Variants in TICAM1 observed in about 807,000 individuals in gnomAD.
TICAM1 encodes the protein TIR domain containing adaptor molecule 1.
For synonymous variants in TICAM1, 439 were observed against 415.4 expected (o/e 1.06, Z -0.69); for missense variants, 895 against 938.2 (o/e 0.95, Z 0.60).
At chr19:4,830,455 G>C (rs1404249460) in intron 1 of TICAM1, among the ~76,000 whole-genome samples, 1 of 152,134 alleles carries the variant, frequency 6.6e-6, no homozygotes, top group East Asian at 1.9e-4. Flanking sequence ...CTGGGCTCAA[G>C]TGATCCTCCC....
At chr19:4,829,077 C>T (rs4807652) in intron 1 of TICAM1, among the ~76,000 whole-genome samples, 20,836 of 152,148 alleles carry the variant, frequency 0.14, 1,583 homozygotes, top group East Asian at 0.29. Flanking sequence ...TCAATCGATC[C>T]GCCTGCCTTG....
Position 4,817,302 on chromosome 19 carries a change from G to A in TICAM1, c.1076C>T (p.Ser359Phe). 1.2e-6 allele frequency: 2 copies of A among 1,613,348 alleles called. No homozygotes were observed. The highest frequency in any genetic ancestry group is 2.2e-5 in the South Asian group (2 of 91,064). ...AGGAGGAGGAGGAGGAGGAGGAGGG[G>A]ATGTTTCTGGGGTGGTGGGAGTAGG... ...CPPTPTTPET[S>F]PPPPPPPPSS... is the part of the protein sequence containing the mutation. Residue 359 changes from serine (S) to phenylalanine (F), a missense_variant, in exon 2 of 2, where the codon TCC (serine) becomes TTC (phenylalanine). Transcript: ENST00000248244. The surrounding 1 kb of genome is among the most constrained non-coding windows in gnomAD (Gnocchi z 4.7).
intron 1 of TICAM1, among the ~76,000 whole-genome samples, chr19:4,823,414 A>C (rs1296661070): frequency 6.6e-6 from 1 of 150,864 alleles, no homozygotes; most frequent in Admixed American, 6.7e-5. Flanking sequence ...ACATTGAGCC[A>C]AGATAGCGCC....
Position 4,816,393 on chromosome 19 carries a change from G to T in TICAM1, c.1985C>A (p.Ala662Asp). The change falls in exon 2 of 2, where the codon GCC becomes GAC. Residue 662 changes from alanine (A) to aspartate (D), a missense_variant. Physicochemically the swap from Ala to Asp is moderately radical, Grantham distance 126. Coordinates refer to ENST00000248244, the MANE Select transcript of TICAM1 (RefSeq NM_182919.4). The surrounding 1 kb of genome is among the most constrained non-coding windows in gnomAD (Gnocchi z 4.3). Reference protein sequence around the residue: ...PQSLPFPQSPAFPTASPAPPQ... With the variant: ...PQSLPFPQSPDFPTASPAPPQ... ...GGGTGCGGGTGAGGCCGTAGGGAAG[G>T]CTGGGGACTGCGGGAAGGGCAGTGA... 1 of 1,578,054 alleles carries T rather than the reference G, an allele frequency of 6.3e-7. No individual in the cohort carries two copies. Among genetic ancestry groups the T allele is most frequent in the Non-Finnish European group, 8.6e-7 (1 of 1,164,420 alleles).
chr19:4,823,794 C>T (rs570879251), intron 1 of TICAM1, among the ~76,000 whole-genome samples: 3 of 152,258 alleles, frequency 2.0e-5, no homozygotes, highest in Admixed American at 2.0e-4. Context: ...GGACTTCCAG[C>T]CTCCATAACT....
intron 1 of TICAM1, among the ~76,000 whole-genome samples, chr19:4,822,215 G>A (rs537893517): frequency 7.9e-5 from 12 of 151,816 alleles, no homozygotes; most frequent in South Asian, 2.1e-4. Context: ...GATTACAAGC[G>A]TGAGCCACTG....
In TICAM1 at chr19:4,817,795, G is replaced by T; in HGVS notation, c.583C>A (p.Arg195=). The T allele has an allele frequency of 6.3e-7, 1 of 1,591,548 alleles. No individual in the cohort carries two copies. The stretch of plus-strand genomic sequence containing the variant: ...AGGGAGGCAGGGCTGCCAGTGGATC[G>T]CAGGGAGCACCCTTGGCTCCAGTCC... ...VSDWSQGCSL[R]STGSPASLAS... is the part of the protein sequence containing the mutation. The change falls in exon 2 of 2, where the codon CGA becomes AGA. Residue 195 remains arginine, a synonymous_variant. Transcript: ENST00000248244. This position sits in a 1 kb window ranked among gnomAD's most constrained non-coding sequence, Gnocchi z 4.7.
intron 1 of TICAM1, among the ~76,000 whole-genome samples, chr19:4,825,463 C>T (rs1293678954): frequency 6.6e-6 from 1 of 152,002 alleles, no homozygotes; most frequent in African/African-American, 2.4e-5. Context: ...TCAAGTGATC[C>T]TCCCACCTTG....
At chr19:4,823,465 A>T (rs979753558) in intron 1 of TICAM1, among the ~76,000 whole-genome samples, 1 of 86,006 alleles carries the variant, frequency 1.2e-5, no homozygotes, top group African/African-American at 5.9e-5. Flanking sequence ...ACTCTGTCTT[A>T]AAAAAAAAAA....
intron 1 of TICAM1, among the ~76,000 whole-genome samples, chr19:4,826,305 AT>A (rs2093605282): frequency 1.8e-5 from 1 of 56,628 alleles, no homozygotes; most frequent in East Asian, 6.4e-4. Flanking sequence ...TTATTAGGAG[AT>A]ATATATATAT....
In TICAM1 at chr19:4,817,410, T is replaced by C; in HGVS notation, c.968A>G (p.Lys323Arg). 1 of 1,614,034 alleles carries C rather than the reference T, an allele frequency of 6.2e-7. No homozygotes were observed. Among genetic ancestry groups the C allele is most frequent in the East Asian group, 2.2e-5 (1 of 44,880 alleles). ...SLPLPILEPV[K>R]NPCSVKDQTP... Reference sequence around the variant, plus strand: ...CTGGTCTTTGACAGAGCAGGGGTTTTTGACCGGCTCCAGAATAGGCAAGGG... The same window carrying C: ...CTGGTCTTTGACAGAGCAGGGGTTTCTGACCGGCTCCAGAATAGGCAAGGG... Residue 323 changes from lysine (K) to arginine (R), a missense_variant, in exon 2 of 2, where the codon AAA becomes AGA. Lys to Arg is a conservative substitution (Grantham distance 26). Coordinates refer to ENST00000248244, the MANE Select transcript of TICAM1 (RefSeq NM_182919.4). The surrounding 1 kb of genome is among the most constrained non-coding windows in gnomAD (Gnocchi z 4.7).
In TICAM1 at chr19:4,816,699, C is replaced by T. The variant is rs1400135507; in HGVS notation, c.1679G>A (p.Arg560Gln). The T allele has an allele frequency of 5.6e-6, 9 of 1,614,094 alleles. No homozygotes were observed. Among genetic ancestry groups the T allele is most frequent in the Non-Finnish European group, 6.8e-6 (8 of 1,180,034 alleles). The change falls in exon 2 of 2, where the codon CGG (arginine) becomes CAG (glutamine). Residue 560 changes from arginine (R) to glutamine (Q), a missense_variant. By Grantham distance (43) the Arg-to-Gln change is conservative. Transcript: ENST00000248244. The surrounding 1 kb of genome is among the most constrained non-coding windows in gnomAD (Gnocchi z 4.3). ...TGCGTTCAGTGCCGCCGCCTGCATC[C>T]GCTCACCGTCCAGGTGTTGGCTCTG... ...REQSQHLDGE[R>Q]MQAAALNAAY...
At position 4,816,006 on chromosome 19, in the gene TICAM1, TAG is replaced by T. The variant is rs1195586908; in HGVS notation, c.*231_*232del. On this transcript the variant is annotated 3_prime_UTR_variant, in exon 2 of 2. Transcript: ENST00000248244. This position sits in a 1 kb window ranked among gnomAD's most constrained non-coding sequence, Gnocchi z 4.3. ...ACCACCAAGACCCTTCACCCAGAAATAGAGAGATTGGAATTGTAAACACCGTA... is the reference window on the plus strand; with the variant it reads ...ACCACCAAGACCCTTCACCCAGAAATAGAGATTGGAATTGTAAACACCGTA... 1.8e-5 allele frequency: 8 copies of T among 455,892 alleles called. No individual in the cohort carries two copies. Among genetic ancestry groups the T allele is most frequent in the Non-Finnish European group, 2.8e-5 (8 of 282,682 alleles). 28.2% of individuals were successfully genotyped at this position (455,892 alleles called of 1,614,324 possible). A position where few individuals can be genotyped will look rare whatever the true frequency, so the allele number is the denominator to read the frequency against.
intron 1 of TICAM1, among the ~76,000 whole-genome samples, chr19:4,826,637 A>G (rs946112027): frequency 3.3e-5 from 5 of 151,966 alleles, no homozygotes; most frequent in African/African-American, 1.2e-4. Context: ...TTCATGTTAT[A>G]TTTCTGTTGG....
In TICAM1 at chr19:4,816,099, C is replaced by A; in HGVS notation, c.*140G>T. On this transcript the variant is annotated 3_prime_UTR_variant, in exon 2 of 2. Coordinates refer to ENST00000248244, the MANE Select transcript of TICAM1 (RefSeq NM_182919.4). The surrounding 1 kb of genome is among the most constrained non-coding windows in gnomAD (Gnocchi z 4.3). ...CCGTTTTGTCCTAAATGAAGGGCTC[C>A]CGGACAATGTCCTGAAAGTGGCAGA... is the stretch of plus-strand genomic sequence containing the variant. 1 of 1,278,500 alleles carries A rather than the reference C, an allele frequency of 7.8e-7. No homozygotes were observed. The highest frequency in any genetic ancestry group is 9.9e-7 in the Non-Finnish European group (1 of 1,008,098). 79.2% of individuals were successfully genotyped at this position (1,278,500 alleles called of 1,614,324 possible).
Position 4,816,446 on chromosome 19 carries a change from G to A in TICAM1, c.1932C>T (p.Pro644=). 6.4e-7 allele frequency: 1 copy of A among 1,554,430 alleles called. No individual in the cohort carries two copies. Residue 644 remains proline (P), a synonymous_variant, in exon 2 of 2, where the codon CCC becomes CCT. Coordinates refer to ENST00000248244, the MANE Select transcript of TICAM1 (RefSeq NM_182919.4). The surrounding 1 kb of genome is among the most constrained non-coding windows in gnomAD (Gnocchi z 4.3). The part of the protein sequence containing the change: ...HAWQAGTPPP[P]SPQPAAFPQS... ...GTGGAAAGGCTGCTGGCTGTGGGGAGGGCGGTGGGGGGGTGCCAGCCTGCC... is the reference window on the plus strand; with the variant it reads ...GTGGAAAGGCTGCTGGCTGTGGGGAAGGCGGTGGGGGGGTGCCAGCCTGCC...
Position 4,816,095 on chromosome 19 carries a change from G to T in TICAM1, c.*144C>A. ...GCGCCCGTTTTGTCCTAAATGAAGG[G>T]CTCCCGGACAATGTCCTGAAAGTGG... On this transcript the variant is annotated 3_prime_UTR_variant, in exon 2 of 2. Transcript: ENST00000248244. This position sits in a 1 kb window ranked among gnomAD's most constrained non-coding sequence, Gnocchi z 4.3. 8.0e-7 allele frequency: 1 copy of T among 1,250,676 alleles called. No individual in the cohort carries two copies. Among genetic ancestry groups the T allele is most frequent in the Non-Finnish European group, 1.0e-6 (1 of 986,388 alleles). The allele number at this position is 1,250,676 out of a possible 1,614,324, so 77.5% of individuals were successfully genotyped here.
Position 4,817,649 on chromosome 19 carries a change from G to A in TICAM1, c.729C>T (p.Val243=). ...DPQASLVPEP[V]PGGCQEPEEM... ...CCTCAGGCTCCTGGCAGCCACCGGG[G>A]ACAGGCTCGGGCACCAAGCTGGCCT... is the stretch of plus-strand genomic sequence containing the variant. The change falls in exon 2 of 2, where the codon GTC becomes GTT. Residue 243 remains valine, a synonymous_variant. Transcript: ENST00000248244. The surrounding 1 kb of genome is among the most constrained non-coding windows in gnomAD (Gnocchi z 4.7). The A allele has an allele frequency of 6.3e-7, 1 of 1,583,660 alleles. No individual in the cohort carries two copies. The highest frequency in any genetic ancestry group is 8.6e-7 in the Non-Finnish European group (1 of 1,165,084).
At position 4,819,261 on chromosome 19, in the gene TICAM1, G is replaced by A. The variant is rs547766093; in HGVS notation, c.-139-745C>T. ...TGCACTCCAGCCTGGGCAACAGAGT[G>A]AGACCCAGTCTCAAAAAAAAAAAAA... is the stretch of plus-strand genomic sequence containing the variant. On this transcript the variant is annotated intron_variant, in intron 1 of 1. Transcript: ENST00000248244. 3.1e-4 allele frequency among the ~76,000 whole-genome samples: 42 copies of A among 133,474 alleles called. 1 individual carries two copies. In the East Asian group the frequency reaches 7.3e-3, roughly 23 times the overall value. The allele number at this position is 133,474 out of a possible 152,430, so 87.6% of individuals were successfully genotyped here. A position where few individuals can be genotyped will look rare whatever the true frequency, so the allele number is the denominator to read the frequency against.
Sources: allele counts gnomAD v4.1 joint callset (sites outside exome capture counted in the v4.1 genomes callset), GRCh38; gene constraint gnomAD v4.1.1; non-coding constraint Gnocchi (gnomAD v3.1); transcripts MANE v1.5; gene names NCBI Gene and HGNC (gene_info 2026-07-23, HGNC 2026-07-21).